The following GFRA1 variants were observed in gnomAD, a reference collection of about 807,000 sequenced individuals.
GFRA1 encodes GDNF family receptor alpha 1, also known as GDNF family receptor alpha-1.
A neutral mutation model predicts 51.6 loss-of-function variants in GFRA1; 16 were observed. The ratio of observed to expected loss-of-function variants is 0.31; its 90% CI spans 0.21 to 0.47. The LOEUF is 0.47. GFRA1 is among the 20% of genes least tolerant of loss of function. The pLI is 1.00. For missense variants in GFRA1, 530 were observed against 594.3 expected (o/e 0.89, Z 1.13); for synonymous variants, 270 against 241.3 (o/e 1.12, Z -1.10).
chr10:116,107,361 T>A (rs542618597), intron 6 of GFRA1, among the ~76,000 whole-genome samples: 3 of 152,220 alleles, frequency 2.0e-5, no homozygotes, highest in Non-Finnish European at 4.4e-5. Context: ...CCATGCTGGA[T>A]GAATTCCCTT....
At chr10:116,184,201 C>T (rs922975649) in intron 5 of GFRA1, among the ~76,000 whole-genome samples, 4 of 152,254 alleles carry the variant, frequency 2.6e-5, no homozygotes, top group Non-Finnish European at 5.9e-5. Context: ...AGGCAGCTTT[C>T]CTGACCCTCT....
chr10:116,115,760 A>AG (rs1957388167), intron 6 of GFRA1, among the ~76,000 whole-genome samples: 1 of 152,168 alleles, frequency 6.6e-6, no homozygotes, highest in South Asian at 2.1e-4. Context: ...AGAAAAAAAA[A>AG]TGATCATGAA....
intron 5 of GFRA1, among the ~76,000 whole-genome samples, chr10:116,131,906 A>AC (rs2134053275): frequency 1.5e-5 from 1 of 65,412 alleles, no homozygotes; most frequent in South Asian, 5.5e-4. Context: ...CTCAAAAGGA[A>AC]AAAAAAAAAA....
At chr10:116,255,838 G>T in intron 4 of GFRA1, 1 of 931,954 alleles carries the variant, frequency 1.1e-6, no homozygotes, top group Non-Finnish European at 1.5e-6. Context: ...CTGAGTTACT[G>T]CTTAAGTGTA....
intron 5 of GFRA1, among the ~76,000 whole-genome samples, chr10:116,159,764 C>G (rs1047691316): frequency 2.2e-4 from 34 of 152,176 alleles, no homozygotes; most frequent in Admixed American, 2.0e-3. Flanking sequence ...GTGTGGGCCA[C>G]AGGTGACCAC....
At chr10:116,210,018 C>A (rs746769127) in intron 5 of GFRA1, among the ~76,000 whole-genome samples, 9 of 152,172 alleles carry the variant, frequency 5.9e-5, no homozygotes, top group South Asian at 2.1e-4. Context: ...CCATCTCTGG[C>A]AGATGTTATT....
In GFRA1 at chr10:116,120,052, C is replaced by T. The variant is rs144491506; in HGVS notation, c.770+5169G>A. On this transcript the variant is annotated intron_variant, in intron 6 of 10. Transcript: ENST00000355422. ...GCCTCCAAGATACAATGATAGGGTC[C>T]TTGATCCCTGGGGAATGGTAGAACC... 8.7e-4 allele frequency among the ~76,000 whole-genome samples: 132 copies of T among 152,330 alleles called. 1 individual carries two copies. In the East Asian group the frequency reaches 0.021, roughly 25 times the overall value.
At chr10:116,267,411 C>A (rs529685567) in intron 4 of GFRA1, among the ~76,000 whole-genome samples, 1 of 151,700 alleles carries the variant, frequency 6.6e-6, no homozygotes, top group Non-Finnish European at 1.5e-5. Context: ...GGTAGCATTG[C>A]GCCGAGATCA....
At chr10:116,167,355 T>C (rs1191554702) in intron 5 of GFRA1, among the ~76,000 whole-genome samples, 1 of 152,116 alleles carries the variant, frequency 6.6e-6, no homozygotes, top group African/African-American at 2.4e-5. Flanking sequence ...CCGTATTTTC[T>C]CCTTGGAACA....
rs1393486387 is a variant in GFRA1 at position 116,194,065 on chromosome 10, TTAAA to T, written c.433+17562_433+17565del. 3.7e-4 allele frequency among the ~76,000 whole-genome samples: 31 copies of T among 83,252 alleles called. 1 individual carries two copies. Among genetic ancestry groups the T allele is most frequent in the African/African-American group, 6.7e-4 (13 of 19,416 alleles). The allele number at this position is 83,252 out of a possible 152,430, so 54.6% of individuals were successfully genotyped here. ...ATAAAAAAAAATAAATAAATAAAAT[TTAAA>T]AAAAAAAAAAAAAGGTGGCTCATGA... is the stretch of plus-strand genomic sequence containing the variant. On this transcript the variant is annotated intron_variant, in intron 5 of 10. Transcript: ENST00000355422.
Position 116,202,697 on chromosome 10 carries a change from A to G in GFRA1, c.433+8934T>C, listed in dbSNP as rs552733088. 2.6e-5 allele frequency among the ~76,000 whole-genome samples: 4 copies of G among 152,218 alleles called. No homozygotes were observed. In the East Asian group the frequency reaches 7.8e-4, roughly 30 times the overall value. ...AAGGGGGACATGCCACACTCTTTTA[A>G]ACCATTAGATCTCGTGAGAACTTAC... On this transcript the variant is annotated intron_variant, in intron 5 of 10. Transcript: ENST00000355422.
chr10:116,126,943 CA>C (rs1957901710), intron 5 of GFRA1, among the ~76,000 whole-genome samples: 1 of 152,124 alleles, frequency 6.6e-6, no homozygotes, highest in African/African-American at 2.4e-5. Context: ...CAATGCGTAA[CA>C]ACATGGATAA....
At chr10:116,114,118 G>T (rs1957319249) in intron 6 of GFRA1, among the ~76,000 whole-genome samples, 1 of 152,182 alleles carries the variant, frequency 6.6e-6, no homozygotes, top group Non-Finnish European at 1.5e-5. Context: ...GTCAGTGGCT[G>T]CCCTTTGCTG....
At chr10:116,256,274 G>A (rs760213239) in intron 4 of GFRA1, among the ~76,000 whole-genome samples, 4 of 152,094 alleles carry the variant, frequency 2.6e-5, no homozygotes, top group Non-Finnish European at 5.9e-5. Flanking sequence ...CCTTGCCACC[G>A]TGCTACTCTG....
chr10:116,190,058 C>T (rs1290700300), intron 5 of GFRA1, among the ~76,000 whole-genome samples: 1 of 152,176 alleles, frequency 6.6e-6, no homozygotes, highest in Admixed American at 6.5e-5. Flanking sequence ...AACTGGGATG[C>T]AGCTGGGGAA....
intron 5 of GFRA1, among the ~76,000 whole-genome samples, chr10:116,164,118 G>C (rs1349904933): frequency 2.0e-5 from 3 of 152,174 alleles, no homozygotes; most frequent in African/African-American, 7.2e-5. Context: ...TGTCGCACAG[G>C]CCCTGCTTGC....
chr10:116,136,399 A>C (rs913663319), intron 5 of GFRA1, among the ~76,000 whole-genome samples: 23 of 152,306 alleles, frequency 1.5e-4, no homozygotes, highest in Non-Finnish European at 3.1e-4. Context: ...TAAAAGGCTA[A>C]ACATGTCTTT....
rs184807145 is a variant in GFRA1, at chr10:116,135,670, A to T, written c.434-10113T>A. On this transcript the variant is annotated intron_variant, in intron 5 of 10. Transcript: ENST00000355422. ...CATTAAAATATATTTTATCTAATGT[A>T]AGATTGATTCCAAGATAATTGAGGT... Among the ~76,000 whole-genome samples the T allele has an allele frequency of 6.6e-5, 10 of 152,362 alleles. No homozygotes were observed. The East Asian group carries it at 1.2e-3, about 18-fold the overall frequency.
chr10:116,119,088 G>A (rs1957544777), intron 6 of GFRA1, among the ~76,000 whole-genome samples: 1 of 152,194 alleles, frequency 6.6e-6, no homozygotes, highest in South Asian at 2.1e-4. Context: ...ATAGAGCTCT[G>A]CTGCTGCTGA....
Sources: gnomAD v4.1 joint callset for allele counts (sites outside exome capture counted in the v4.1 genomes callset) on GRCh38, gnomAD v4.1.1 for gene constraint, MANE v1.5 for transcripts, NCBI Gene and HGNC (gene_info 2026-07-23, HGNC 2026-07-21) for gene names.